The following TECRL variants were observed in gnomAD, a reference collection of about 807,000 sequenced individuals.
TECRL encodes trans-2,3-enoyl-CoA reductase-like.
A neutral mutation model predicts 52.8 loss-of-function variants in TECRL; 63 were observed. That is an observed-to-expected ratio of 1.19 (90% CI 0.97 to 1.47). TECRL has a LOEUF of 1.47. Ranked by LOEUF, TECRL falls within the 40% of genes most tolerant of loss-of-function variation. The probability of loss-of-function intolerance (pLI) is 0.00; values close to 1 mark genes in which losing one functional copy is unlikely to be tolerated. For missense variants in TECRL, 482 were observed against 429.6 expected (o/e 1.12, Z -1.08); for synonymous variants, 164 against 141.9 (o/e 1.16, Z -1.10).
chr4:64,357,743 A>G (rs11131527), intron 2 of TECRL, among the ~76,000 whole-genome samples: 135,876 of 151,424 alleles, frequency 0.9, 61,632 homozygotes, highest in East Asian at 1. Flanking sequence ...TAGATGAAAA[A>G]TAATTATTTC....
chr4:64,380,716 G>T (rs191723534), intron 1 of TECRL, among the ~76,000 whole-genome samples: 1 of 152,024 alleles, frequency 6.6e-6, no homozygotes, highest in East Asian at 1.9e-4. Flanking sequence ...GACTATAAAT[G>T]CAAGGATTTA....
intron 2 of TECRL, among the ~76,000 whole-genome samples, chr4:64,372,067 G>GT (rs957422673): frequency 6.6e-6 from 1 of 151,632 alleles, no homozygotes; most frequent in Non-Finnish European, 1.5e-5. Context: ...TTTCAGCTAG[G>GT]TTTTTAAAAT....
chr4:64,345,924 A>AAAAAAAAC lies in TECRL; in HGVS notation c.287-17376_287-17369dup, dbSNP rs1719939195. ...CTCAACAGCAAAAAAAAAAAAAAAA[A>AAAAAAAAC]AAAAAAACATTTATCATATCCCTCA... On this transcript the variant is annotated intron_variant, in intron 2 of 11. Coordinates refer to ENST00000381210, the MANE Select transcript of TECRL (RefSeq NM_001010874.5). Among the ~76,000 whole-genome samples, 8 of 146,060 alleles carry AAAAAAAAC rather than the reference A, an allele frequency of 5.5e-5. 1 individual carries two copies. The highest frequency in any genetic ancestry group is 1.1e-4 in the Non-Finnish European group (7 of 66,656).
chr4:64,328,548 A>G lies in TECRL; in HGVS notation c.295T>C (p.Trp99Arg), dbSNP rs1189462482. Residue 99 changes from tryptophan to arginine, a missense_variant, in exon 3 of 12, where the codon TGG becomes CGG. Trp to Arg is a moderately radical substitution (Grantham distance 101). Coordinates refer to ENST00000381210, the MANE Select transcript of TECRL (RefSeq NM_001010874.5). ...KQKFHKACPK[W>R]YPSRVGLQLE... ...TGCAGACCAACTCGAGAAGGGTACC[A>G]CTTTGGACCTATTCAATGAAAAATA... The G allele has an allele frequency of 6.2e-7, 1 of 1,610,862 alleles. No individual in the cohort carries two copies. The highest frequency in any genetic ancestry group is 2.2e-5 in the East Asian group (1 of 44,752).
chr4:64,338,732 A>C (rs887724395), intron 2 of TECRL, among the ~76,000 whole-genome samples: 26 of 152,134 alleles, frequency 1.7e-4, no homozygotes, highest in African/African-American at 6.3e-4. Context: ...ACCACAATGA[A>C]ATATCATCTC....
At chr4:64,300,101 T>C in intron 7 of TECRL, 84 bp from the exon 8 acceptor site, 1 of 1,048,902 alleles carries the variant, frequency 9.5e-7, no homozygotes, top group Non-Finnish European at 1.4e-6. Context: ...GCAGTATTTA[T>C]TGGGTATAAA....
intron 2 of TECRL, among the ~76,000 whole-genome samples, chr4:64,337,617 T>A (rs1162320208): frequency 1.3e-5 from 2 of 152,140 alleles, no homozygotes; most frequent in African/African-American, 4.8e-5. Context: ...ATCACAAGCA[T>A]TCTTATACAC....
At chr4:64,337,129 A>T (rs952566409) in intron 2 of TECRL, among the ~76,000 whole-genome samples, 4 of 152,078 alleles carry the variant, frequency 2.6e-5, no homozygotes, top group African/African-American at 4.8e-5. Flanking sequence ...CCCATATGCA[A>T]ATCAATCAAC....
chr4:64,354,464 G>A (rs1252983187), intron 2 of TECRL, among the ~76,000 whole-genome samples: 1 of 152,118 alleles, frequency 6.6e-6, no homozygotes, highest in African/African-American at 2.4e-5. Flanking sequence ...TGAATAACAT[G>A]ACAGATTTCT....
chr4:64,392,594 A>AT (rs562685452), intron 1 of TECRL, among the ~76,000 whole-genome samples: 10 of 151,636 alleles, frequency 6.6e-5, no homozygotes, highest in East Asian at 3.9e-4. Flanking sequence ...CTTATAAAGT[A>AT]TTTTTTTTAG....
chr4:64,400,992 T>A (rs768590468), intron 1 of TECRL, among the ~76,000 whole-genome samples: 4 of 152,268 alleles, frequency 2.6e-5, no homozygotes, highest in Non-Finnish European at 4.4e-5. Context: ...TGGATAAGTG[T>A]GTGAGGTGGC....
chr4:64,394,447 A>T (rs183520567), intron 1 of TECRL, among the ~76,000 whole-genome samples: 120 of 152,278 alleles, frequency 7.9e-4, no homozygotes, highest in African/African-American at 2.8e-3. Flanking sequence ...CATTCCACAG[A>T]CTTTAATGTA....
At position 64,281,555 on chromosome 4, in the gene TECRL, G is replaced by T; in HGVS notation, c.837C>A (p.Asn279Lys). 6.3e-7 allele frequency: 1 copy of T among 1,589,622 alleles called. No homozygotes were observed. The highest frequency in any genetic ancestry group is 8.6e-7 in the Non-Finnish European group (1 of 1,165,002). Residue 279 changes from asparagine (N) to lysine (K), a missense_variant, in exon 10 of 12, where the codon AAC (asparagine) becomes AAA (lysine). By Grantham distance (94) the Asn-to-Lys change is moderately conservative (BLOSUM62 0). Coordinates refer to ENST00000381210, the MANE Select transcript of TECRL (RefSeq NM_001010874.5). ...AATTTGGACTTGGGAAACAGGCATT[G>T]TTTCCTTTTTCAAAGGAAAGTAAAA... ...VMLSHPNHTG[N>K]NACFPSPNYN... is the part of the protein sequence containing the mutation.
chr4:64,389,313 C>A (rs137993099), intron 1 of TECRL, among the ~76,000 whole-genome samples: 415 of 151,914 alleles, frequency 2.7e-3, no homozygotes, highest in African/African-American at 9.3e-3. Flanking sequence ...TTTATTGAGA[C>A]TTTTATTATG....
intron 6 of TECRL, among the ~76,000 whole-genome samples, chr4:64,305,559 T>C (rs1034525074): frequency 2.6e-5 from 4 of 152,238 alleles, no homozygotes; most frequent in Middle Eastern, 3.4e-3. Flanking sequence ...GGACAAAATA[T>C]GGTTAAGAAT....
chr4:64,356,252 C>T (rs1459735858), intron 2 of TECRL, among the ~76,000 whole-genome samples: 1 of 152,062 alleles, frequency 6.6e-6, no homozygotes, highest in South Asian at 2.1e-4. Context: ...AATATGGCCT[C>T]CTGGGATGCG....
In TECRL at chr4:64,286,547, C is replaced by T. The variant is rs1287754237; in HGVS notation, c.832+3163G>A. On this transcript the variant is annotated intron_variant, in intron 9 of 11. Transcript: ENST00000381210. ...TTTTTTAGAACGTAAAAAAAAAAAA[C>T]ATGGATTAACCTACTAGAAGAGTAC... Among the ~76,000 whole-genome samples, 6 of 147,674 alleles carry T rather than the reference C, an allele frequency of 4.1e-5. No homozygotes were observed. The East Asian group carries it at 1.2e-3, about 30-fold the overall frequency.
chr4:64,403,803 G>T (rs922598306), intron 1 of TECRL, among the ~76,000 whole-genome samples: 2 of 150,838 alleles, frequency 1.3e-5, no homozygotes, highest in African/African-American at 4.9e-5. Context: ...GGAGGAAAAG[G>T]GGGGCAGGAA....
chr4:64,391,394 G>T (rs925095897), intron 1 of TECRL, among the ~76,000 whole-genome samples: 4 of 151,724 alleles, frequency 2.6e-5, no homozygotes, highest in African/African-American at 9.7e-5. Flanking sequence ...CATACAACTG[G>T]ATGTTTAACC....
Sources: allele counts gnomAD v4.1 joint callset (sites outside exome capture counted in the v4.1 genomes callset), GRCh38; gene constraint gnomAD v4.1.1; transcripts MANE v1.5; gene names NCBI Gene and HGNC (gene_info 2026-07-23, HGNC 2026-07-21).